TXNRD1: variants seen among roughly 807,000 people sequenced by gnomAD.
TXNRD1 encodes thioredoxin reductase 1, also known as thioredoxin reductase 1, cytoplasmic.
A neutral mutation model predicts 80.3 loss-of-function variants in TXNRD1; 57 were observed. The ratio of observed to expected loss-of-function variants is 0.71; its 90% CI spans 0.57 to 0.89. The LOEUF (loss-of-function observed/expected upper bound fraction) is 0.89, where lower values mean the gene tolerates loss of function less well. Ranked by LOEUF, TXNRD1 falls within the 40% of genes least tolerant of loss-of-function variation. TXNRD1 has a pLI of 0.00. For missense variants in TXNRD1, 730 were observed against 803.0 expected, an observed-to-expected ratio of 0.91 and a Z score of 1.10; for synonymous variants, 291 against 285.2, an observed-to-expected ratio of 1.02 and a Z score of -0.20.
intron 2 of TXNRD1, among the ~76,000 whole-genome samples, chr12:104,254,644 A>AAAAAAAAAATATATATATATATATATAT: frequency 1.1e-5 from 1 of 93,632 alleles, no homozygotes; most frequent in African/African-American, 5.2e-5. Context: ...AAAAAAAAAA[A>AAAAAAAAAATATATATATATATATATAT]ATATATATAT....
chr12:104,264,275 G>A (rs1267045479), intron 3 of TXNRD1, among the ~76,000 whole-genome samples: 1 of 152,160 alleles, frequency 6.6e-6, no homozygotes, highest in Non-Finnish European at 1.5e-5. Context: ...GATCACGGGT[G>A]GACAAAGGTA....
chr12:104,278,204 T>C (rs867509991), intron 3 of TXNRD1, among the ~76,000 whole-genome samples: 22 of 15,922 alleles, frequency 1.4e-3, no homozygotes, highest in Admixed American at 3.4e-3. Context: ...TTTTTTTTTT[T>C]TTTTTTTTTT....
Position 104,321,119 on chromosome 12 carries a change from C to T in TXNRD1, c.1018C>T (p.Pro340Ser). Residue 340 changes from proline (P) to serine (S), a missense_variant, in exon 10 of 17, where the codon CCG (proline) becomes TCG (serine). Pro to Ser is a moderately conservative substitution (Grantham distance 74). Transcript: ENST00000525566. Reference protein sequence around the residue: ...SDDLFSLPYCPGKTLVVGASY... With the variant: ...SDDLFSLPYCSGKTLVVGASY... ...TGATCTTTTCTCCTTGCCTTACTGC[C>T]CGGGTAAGACCCTGGTTGTTGGAGC... 1 of 1,612,712 alleles carries T rather than the reference C, an allele frequency of 6.2e-7. No homozygotes were observed. The highest frequency in any genetic ancestry group is 1.1e-5 in the South Asian group (1 of 91,022).
chr12:104,271,383 T>G (rs913475359), intron 3 of TXNRD1, among the ~76,000 whole-genome samples: 8 of 152,058 alleles, frequency 5.3e-5, no homozygotes, highest in Non-Finnish European at 1.0e-4. Context: ...TTCACCGTGT[T>G]AGCCAGGATG....
At chr12:104,227,285 A>G (rs2032493373) in intron 1 of TXNRD1, among the ~76,000 whole-genome samples, 1 of 151,904 alleles carries the variant, frequency 6.6e-6, no homozygotes, top group Admixed American at 6.6e-5. Context: ...TTTTGGAGAA[A>G]GGGTCTTGCT....
chr12:104,229,642 G>C (rs186011707), intron 1 of TXNRD1, among the ~76,000 whole-genome samples: 2 of 146,870 alleles, frequency 1.4e-5, no homozygotes, highest in Non-Finnish European at 3.0e-5. Flanking sequence ...GCCCAGGCTG[G>C]AGTGCAATGG....
intron 7 of TXNRD1, among the ~76,000 whole-genome samples, chr12:104,317,365 C>CTTTT (rs68031758): frequency 8.6e-6 from 1 of 116,330 alleles, no homozygotes; most frequent in African/African-American, 3.2e-5. Flanking sequence ...TCTGCAGTTA[C>CTTTT]TTTTTTTTTT....
intron 3 of TXNRD1, chr12:104,265,526 T>A (rs2033463084): frequency 6.2e-7 from 1 of 1,611,068 alleles, no homozygotes; most frequent in East Asian, 2.2e-5. Context: ...AAGTCCCCCC[T>A]GCGGGTGAAG....
chr12:104,239,248 CA>C (rs2032806753), intron 1 of TXNRD1, among the ~76,000 whole-genome samples: 2 of 149,440 alleles, frequency 1.3e-5, no homozygotes, highest in African/African-American at 4.9e-5. Context: ...GGCTGGAGTA[CA>C]ATGGCGCGAT....
intron 2 of TXNRD1, among the ~76,000 whole-genome samples, chr12:104,254,644 A>AAAAAAAAAAATATATATATATAT: frequency 8.5e-5 from 8 of 93,618 alleles, no homozygotes; most frequent in East Asian, 5.4e-4. Flanking sequence ...AAAAAAAAAA[A>AAAAAAAAAAATATATATATATAT]ATATATATAT....
intron 4 of TXNRD1, among the ~76,000 whole-genome samples, chr12:104,300,339 G>A (rs185203808): frequency 6.4e-4 from 97 of 152,292 alleles, no homozygotes; most frequent in African/African-American, 2.2e-3. Flanking sequence ...GGAAAGAGGG[G>A]AGCTAAATTA....
chr12:104,286,942 T>G (rs749400794), intron 3 of TXNRD1: 33 of 1,200,702 alleles, frequency 2.7e-5, no homozygotes, highest in Non-Finnish European at 3.5e-5. Flanking sequence ...TTTGTCATTC[T>G]GACTCTGGCA....
rs546492896 is a variant in TXNRD1, at chr12:104,252,353, G to A, written c.243+675G>A. ...ATCTCTTCATGCTTTGGTTTATTAT[G>A]GGGAAAATAACTTCACAAAGAATAA... On this transcript the variant is annotated intron_variant, in intron 2 of 16. Transcript: ENST00000525566. Among the ~76,000 whole-genome samples, 306 of 151,952 alleles carry A rather than the reference G, an allele frequency of 2.0e-3. 1 individual carries two copies. The highest frequency in any genetic ancestry group is 3.3e-3 in the Non-Finnish European group (223 of 67,986).
At chr12:104,270,059 A>G (rs2033622316) in intron 3 of TXNRD1, among the ~76,000 whole-genome samples, 1 of 152,114 alleles carries the variant, frequency 6.6e-6, no homozygotes. Flanking sequence ...ATCTTCAGTT[A>G]CTTCCTCCAC....
chr12:104,290,720 C>CATACAT (rs1168559341), intron 4 of TXNRD1, among the ~76,000 whole-genome samples: 3 of 55,874 alleles, frequency 5.4e-5, no homozygotes, highest in Non-Finnish European at 1.0e-4. Context: ...AAGAAATATA[C>CATACAT]ATATATATAT....
chr12:104,245,240 G>A (rs536479684), intron 1 of TXNRD1, among the ~76,000 whole-genome samples: 1 of 151,626 alleles, frequency 6.6e-6, no homozygotes, highest in Non-Finnish European at 1.5e-5. Context: ...GGCTCGGCGC[G>A]GTGGCTCACG....
At chr12:104,252,655 TTATTTTTTATA>T (rs1476147827) in intron 2 of TXNRD1, among the ~76,000 whole-genome samples, 4 of 21,376 alleles carry the variant, frequency 1.9e-4, no homozygotes, top group Non-Finnish European at 2.7e-4. Context: ...GGTTAATTTA[TTATTTTTTATA>T]TATATATATA....
chr12:104,229,146 T>C (rs2032547920), intron 1 of TXNRD1, among the ~76,000 whole-genome samples: 1 of 4,828 alleles, frequency 2.1e-4, no homozygotes, highest in African/African-American at 2.4e-3. Context: ...TTACTTTTCT[T>C]TTTTTTTTTT....
intron 10 of TXNRD1, among the ~76,000 whole-genome samples, chr12:104,323,405 C>T (rs1318741257): frequency 6.7e-6 from 1 of 150,308 alleles, no homozygotes; most frequent in Non-Finnish European, 1.5e-5. Flanking sequence ...GGGCGGGGGG[C>T]TGACCCCCCA....
Sources: gnomAD v4.1 joint callset for allele counts (sites outside exome capture counted in the v4.1 genomes callset) on GRCh38, gnomAD v4.1.1 for gene constraint, MANE v1.5 for transcripts, NCBI Gene and HGNC (gene_info 2026-07-23, HGNC 2026-07-21) for gene names.